Variants in NOTCH1 observed in about 807,000 individuals in gnomAD.
The protein encoded by NOTCH1 is neurogenic locus notch homolog protein 1.
Under a neutral mutation model 254.8 loss-of-function variants are expected in NOTCH1, and 37 were observed. That is an observed-to-expected ratio of 0.15 (90% CI 0.11 to 0.19). The LOEUF (loss-of-function observed/expected upper bound fraction) is 0.19. Ranked by LOEUF, NOTCH1 falls within the 10% of genes least tolerant of loss-of-function variation. The pLI is 1.00. For missense variants in NOTCH1, 2,972 were observed against 3,708.6 expected (o/e 0.80, Z 5.16); for synonymous variants, 1,731 against 1,618.1 (o/e 1.07, Z -1.68).
rs761783451 is a variant in NOTCH1 at position 136,505,888 on chromosome 9, G to C, written c.4015-7C>G. ...ACGTGGCGCCCTCGAAGCCCTGCCC[G>C]AGAGGGAAGACAGGACGGTGTCGGG... On this transcript the variant is annotated splice_region_variant and splice_polypyrimidine_tract_variant and intron_variant, in intron 24 of 33. Coordinates refer to ENST00000651671, the MANE Select transcript of NOTCH1 (RefSeq NM_017617.5). 5.1e-6 allele frequency: 8 copies of C among 1,582,914 alleles called. No homozygotes were observed. The highest frequency in any genetic ancestry group is 1.9e-4 in the Middle Eastern group (1 of 5,276).
rs2133371323 is a variant in NOTCH1, at chr9:136,518,748, G to A, written c.942C>T (p.Asn314=). 6.2e-7 allele frequency: 1 copy of A among 1,611,932 alleles called. No individual in the cohort carries two copies. Among genetic ancestry groups the A allele is most frequent in the Non-Finnish European group, 8.5e-7 (1 of 1,179,860 alleles). ...NACQNGGTCH[N]THGGYNCVCV... The stretch of plus-strand genomic sequence containing the variant: ...ACACGCAGTTGTAGCCACCGTGGGT[G>A]TTGTGGCAGGTCCCGCCGTTCTGGC... The change falls in exon 6 of 34, where the codon AAC becomes AAT. Residue 314 remains asparagine (N), a synonymous_variant. Transcript: ENST00000651671.
chr9:136,538,673 G>C (rs1451478171), intron 2 of NOTCH1, among the ~76,000 whole-genome samples: 1 of 152,222 alleles, frequency 6.6e-6, no homozygotes, highest in Non-Finnish European at 1.5e-5. Context: ...GAAGGTGAAA[G>C]CTGACGCCAG....
Position 136,496,834 on chromosome 9 carries a change from G to A in NOTCH1, c.6905C>T (p.Thr2302Ile). The change falls in exon 34 of 34, where the codon ACC (threonine) becomes ATC (isoleucine). Residue 2302 changes from threonine to isoleucine, a missense_variant. This residue lies in a region of NOTCH1 where 529 missense variants were observed against 529.2 expected (regional missense o/e 1.00). Transcript: ENST00000651671. ...GALNFTVGGS[T>I]SLNGQCEWLS... ...CCACTCGCATTGACCATTCAAACTG[G>A]TGGACCCGCCCACAGTGAAATTCAG... is the stretch of plus-strand genomic sequence containing the variant. The A allele has an allele frequency of 1.9e-6, 3 of 1,612,976 alleles. No individual in the cohort carries two copies. Among genetic ancestry groups the A allele is most frequent in the Non-Finnish European group, 2.5e-6 (3 of 1,180,012 alleles).
chr9:136,510,327 G>A (rs929312441), intron 17 of NOTCH1, among the ~76,000 whole-genome samples: 1 of 152,360 alleles, frequency 6.6e-6, no homozygotes, highest in African/African-American at 2.4e-5. Context: ...AGGGCTGGGA[G>A]GCCTGAGAGC....
intron 5 of NOTCH1, 23 bp from the exon 6 acceptor site, chr9:136,518,847 GC>G (rs762721392): frequency 2.5e-6 from 4 of 1,602,362 alleles, no homozygotes; most frequent in Non-Finnish European, 3.4e-6. Context: ...GGAGCTGTCG[GC>G]CCCGGGCAGC....
chr9:136,527,877 C>T (rs1261332035), intron 2 of NOTCH1, among the ~76,000 whole-genome samples: 2 of 152,128 alleles, frequency 1.3e-5, no homozygotes, highest in Admixed American at 1.3e-4. Context: ...GCCTGCTGTG[C>T]CGCTCCCGCC....
Position 136,513,192 on chromosome 9 carries a change from C to T in NOTCH1, c.2354-58G>A, listed in dbSNP as rs974588456. 1 of 1,500,474 alleles carries T rather than the reference C, an allele frequency of 6.7e-7. No homozygotes were observed. The highest frequency in any genetic ancestry group is 9.3e-7 in the Non-Finnish European group (1 of 1,078,288). The allele number at this position is 1,500,474 out of a possible 1,614,324, so 92.9% of individuals were successfully genotyped here. A position where few individuals can be genotyped will look rare whatever the true frequency, so the allele number is the denominator to read the frequency against. On this transcript the variant is annotated intron_variant, in intron 14 of 33. Transcript: ENST00000651671. The surrounding 1 kb of genome is among the most constrained non-coding windows in gnomAD (Gnocchi z 4.7). Reference sequence around the variant, plus strand: ...AGCACTCCCAGGCACCTTGGCAGGGCCCCACAACAGCAGCCCTGGGCCTGC... The same window carrying T: ...AGCACTCCCAGGCACCTTGGCAGGGTCCCACAACAGCAGCCCTGGGCCTGC...
chr9:136,516,327 G>A (rs1313522410), intron 9 of NOTCH1, among the ~76,000 whole-genome samples: 4 of 152,194 alleles, frequency 2.6e-5, no homozygotes, highest in East Asian at 3.8e-4. Flanking sequence ...TTCCCAAACC[G>A]ACTGGGTTGC....
chr9:136,512,415 C>CT (rs1192979043), intron 15 of NOTCH1, among the ~76,000 whole-genome samples: 1 of 152,188 alleles, frequency 6.6e-6, no homozygotes, highest in Non-Finnish European at 1.5e-5. Flanking sequence ...GTGGACTCTT[C>CT]TTTGTCTTTT....
intron 30 of NOTCH1, 118 bp downstream of exon 30, chr9:136,501,630 A>C: frequency 7.9e-7 from 1 of 1,264,898 alleles, no homozygotes; most frequent in Non-Finnish European, 1.1e-6. Context: ...CAAGGATGAA[A>C]GCTCTCACCC....
At chr9:136,543,316 A>C (rs1033649971) in intron 2 of NOTCH1, 2 of 220,768 alleles carry the variant, frequency 9.1e-6, no homozygotes, top group African/African-American at 4.9e-5. Context: ...CACCCAGAGG[A>C]GGCATCACCC....
intron 2 of NOTCH1, among the ~76,000 whole-genome samples, chr9:136,525,212 C>T (rs1440725760): frequency 6.6e-6 from 1 of 152,192 alleles, no homozygotes; most frequent in Non-Finnish European, 1.5e-5. Flanking sequence ...AAGGCTGCCC[C>T]TCACCCCGGA....
chr9:136,539,191 CTCTT>C (rs1249613993), intron 2 of NOTCH1, among the ~76,000 whole-genome samples: 1 of 152,214 alleles, frequency 6.6e-6, no homozygotes, highest in Non-Finnish European at 1.5e-5. Flanking sequence ...TTCTCCCTCT[CTCTT>C]TTTCTATTAT....
intron 31 of NOTCH1, among the ~76,000 whole-genome samples, chr9:136,499,988 G>C (rs1842971802): frequency 6.6e-6 from 1 of 152,178 alleles, no homozygotes; most frequent in Non-Finnish European, 1.5e-5. Flanking sequence ...CTTGCTCCAG[G>C]GCCGCCTGGA....
In NOTCH1 at chr9:136,495,966, C is replaced by A; in HGVS notation, c.*105G>T. ...TCCTCGTTCTTATTTTGTATAAAAA[C>A]ATGTGTTTTAAAAAGGCTCCTCTGG... On this transcript the variant is annotated 3_prime_UTR_variant, in exon 34 of 34. Transcript: ENST00000651671. 2 of 1,181,174 alleles carry A rather than the reference C, an allele frequency of 1.7e-6. No homozygotes were observed. Among genetic ancestry groups the A allele is most frequent in the Admixed American group, 2.7e-5 (1 of 37,578 alleles). 73.2% of individuals were successfully genotyped at this position (1,181,174 alleles called of 1,614,324 possible). A position where few individuals can be genotyped will look rare whatever the true frequency, so the allele number is the denominator to read the frequency against.
At chr9:136,507,934 T>A (rs752052921) in intron 21 of NOTCH1, 21 bp downstream of exon 21, 5 of 1,611,464 alleles carry the variant, frequency 3.1e-6, no homozygotes, top group Non-Finnish European at 4.2e-6. Context: ...CCACAACCCT[T>A]ACCCTAGGAG....
At position 136,513,968 on chromosome 9, in the gene NOTCH1, A is replaced by G. The variant is rs897367520; in HGVS notation, c.2208-431T>C. 2.0e-5 allele frequency among the ~76,000 whole-genome samples: 3 copies of G among 152,110 alleles called. No homozygotes were observed. Among genetic ancestry groups the G allele is most frequent in the African/African-American group, 7.2e-5 (3 of 41,414 alleles). ...GACAACAGAGCAAGGCTCTGTCTCAAAATAAAGAAAAAAGTGGGGGCCGCA... is the reference window on the plus strand; with the variant it reads ...GACAACAGAGCAAGGCTCTGTCTCAGAATAAAGAAAAAAGTGGGGGCCGCA... On this transcript the variant is annotated intron_variant, in intron 13 of 33. Coordinates refer to ENST00000651671, the MANE Select transcript of NOTCH1 (RefSeq NM_017617.5). The surrounding 1 kb of genome is among the most constrained non-coding windows in gnomAD (Gnocchi z 4.7).
In NOTCH1 at chr9:136,504,764, C is replaced by A. The variant is rs566680728; in HGVS notation, c.4927G>T (p.Ala1643Ser). The A allele has an allele frequency of 5.2e-6, 8 of 1,549,986 alleles. No homozygotes were observed. The highest frequency in any genetic ancestry group is 5.2e-6 in the Non-Finnish European group (6 of 1,147,174). The change falls in exon 26 of 34, where the codon GCC (alanine) becomes TCC (serine). Residue 1643 changes from alanine (A) to serine (S), a missense_variant. By Grantham distance (99) the Ala-to-Ser change is moderately conservative (BLOSUM62 1). This residue lies in a region of NOTCH1 where 1,343 missense variants were observed against 1,557.0 expected (regional missense o/e 0.86). Coordinates refer to ENST00000651671, the MANE Select transcript of NOTCH1 (RefSeq NM_017617.5). ...GAGGCCTTCACCTGGCCCAGCAGGG[C>A]GTCAGGTGCGGCCCAGCCCTCGGCG... Reference protein sequence around the residue: ...RAAEGWAAPDALLGQVKASLL... With the variant: ...RAAEGWAAPDSLLGQVKASLL...
At chr9:136,518,884 C>G (rs11574884) in intron 5 of NOTCH1, 60 bp from the exon 6 acceptor site, 4 of 1,496,700 alleles carry the variant, frequency 2.7e-6, no homozygotes, top group Non-Finnish European at 3.7e-6. Flanking sequence ...TCCCTGTCCC[C>G]TAAGACGCAG....
Sources: allele counts gnomAD v4.1 joint callset (sites outside exome capture counted in the v4.1 genomes callset), GRCh38; gene constraint gnomAD v4.1.1; regional missense constraint gnomAD v4.1.1; non-coding constraint Gnocchi (gnomAD v3.1); transcripts MANE v1.5; gene names NCBI Gene and HGNC (gene_info 2026-07-23, HGNC 2026-07-21).